The following NSD1 variants were observed in gnomAD, a reference collection of about 807,000 sequenced individuals.
NSD1 encodes the protein nuclear receptor binding SET domain protein 1.
In NSD1, 26 loss-of-function variants were observed where a neutral mutation model predicts 242.7. The observed-to-expected ratio is 0.11, with a 90% confidence interval of 0.08 to 0.15. The LOEUF is 0.15. Ranked by LOEUF, NSD1 falls within the 10% of genes least tolerant of loss-of-function variation. The pLI, the probability that NSD1 is intolerant of heterozygous loss-of-function variation, is 1.00. For missense variants in NSD1, 2,495 were observed against 3,272.8 expected, an observed-to-expected ratio of 0.76 and a Z score of 5.80; for synonymous variants, 1,106 against 1,178.1, an observed-to-expected ratio of 0.94 and a Z score of 1.25.
chr5:177,270,905 A>G (rs1757895732), intron 16 of NSD1, among the ~76,000 whole-genome samples: 1 of 152,200 alleles, frequency 6.6e-6, no homozygotes, highest in African/African-American at 2.4e-5. Context: ...CTGCTAATAC[A>G]AAAATACATA....
rs779832509 is a variant in NSD1 at position 177,158,297 on chromosome 5, CTTTCT to C, written c.927+22275_927+22279del. Among the ~76,000 whole-genome samples the C allele has an allele frequency of 5.4e-3, 563 of 103,682 alleles. 2 individuals carry two copies. Among genetic ancestry groups the C allele is most frequent in the Middle Eastern group, 0.015 (3 of 206 alleles). 68.0% of individuals were successfully genotyped at this position (103,682 alleles called of 152,430 possible). ...TCTTTCTTTCTTTCTTTCTTTCTTT[CTTTCT>C]TTTCTTTCTTTTCTTTCTTTTCTTT... On this transcript the variant is annotated intron_variant, in intron 2 of 22. Coordinates refer to ENST00000439151, the MANE Select transcript of NSD1 (RefSeq NM_022455.5).
intron 3 of NSD1, among the ~76,000 whole-genome samples, chr5:177,202,454 CTG>C (rs775748121): frequency 1.7e-4 from 26 of 152,212 alleles, no homozygotes; most frequent in Non-Finnish European, 3.5e-4. Flanking sequence ...TAATGGCTCA[CTG>C]TATTCTTGAC....
intron 3 of NSD1, among the ~76,000 whole-genome samples, chr5:177,199,843 C>T (rs1762382200): frequency 6.6e-6 from 1 of 152,046 alleles, no homozygotes; most frequent in South Asian, 2.1e-4. Flanking sequence ...GATCTGCCAA[C>T]CTCGGCCTCC....
intron 14 of NSD1, chr5:177,266,065 T>G (rs922179916): frequency 4.5e-6 from 5 of 1,110,926 alleles, no homozygotes; most frequent in Non-Finnish European, 6.9e-6. Context: ...TCTTGTAGTC[T>G]TTGTACTGCC....
chr5:177,165,120 A>G (rs965356478), intron 2 of NSD1, among the ~76,000 whole-genome samples: 1 of 152,148 alleles, frequency 6.6e-6, no homozygotes, highest in Non-Finnish European at 1.5e-5. Flanking sequence ...TAAAAAATAA[A>G]ATATAAAAAC....
intron 6 of NSD1, among the ~76,000 whole-genome samples, chr5:177,237,734 C>T (rs934078928): frequency 3.3e-5 from 5 of 151,838 alleles, no homozygotes; most frequent in African/African-American, 1.2e-4. Flanking sequence ...AGGGTTTCAC[C>T]ATGGTAGCCA....
intron 3 of NSD1, 23 bp from the exon 4 acceptor site, chr5:177,204,097 C>A: frequency 1.2e-6 from 2 of 1,610,260 alleles, no homozygotes; most frequent in South Asian, 2.2e-5. Context: ...TCTAATGATT[C>A]TGGTTCTCTT....
intron 16 of NSD1, among the ~76,000 whole-genome samples, chr5:177,272,244 G>A (rs1189976679): frequency 2.6e-5 from 4 of 151,984 alleles, no homozygotes; most frequent in African/African-American, 4.8e-5. Context: ...TAAGGAGGTA[G>A]ACTAGGACAT....
intron 2 of NSD1, among the ~76,000 whole-genome samples, chr5:177,171,147 C>T (rs976478685): frequency 1.3e-5 from 2 of 151,750 alleles, no homozygotes; most frequent in Non-Finnish European, 2.9e-5. Flanking sequence ...GTGGTGAAAC[C>T]GTCTCTAATA....
At position 177,297,868 on chromosome 5, in the gene NSD1, T is replaced by C. The variant is rs188498228; in HGVS notation, c.*2409T>C. 2.6e-5 allele frequency: 6 copies of C among 233,136 alleles called. No homozygotes were observed. Among genetic ancestry groups the C allele is most frequent in the East Asian group, 2.4e-4 (4 of 16,586 alleles). 14.4% of individuals were successfully genotyped at this position (233,136 alleles called of 1,614,324 possible). A position where few individuals can be genotyped will look rare whatever the true frequency, so the allele number is the denominator to read the frequency against. On this transcript the variant is annotated 3_prime_UTR_variant, in exon 23 of 23. Transcript: ENST00000439151. ...GGTTCTTTCCATTCTCCGCCATTCA[T>C]TGGAGGCTTCGTTCCAGACCTGCCT...
At chr5:177,175,638 A>T (rs1163462523) in intron 2 of NSD1, among the ~76,000 whole-genome samples, 1 of 152,106 alleles carries the variant, frequency 6.6e-6, no homozygotes. Context: ...TAAAAAAAAT[A>T]AAGTATTTGA....
At chr5:177,207,771 C>A (rs770652700) in intron 4 of NSD1, among the ~76,000 whole-genome samples, 1 of 151,602 alleles carries the variant, frequency 6.6e-6, no homozygotes, top group Non-Finnish European at 1.5e-5. Context: ...GAGACAGGAT[C>A]GTGCTCTGTC....
chr5:177,212,434 ATCTC>A (rs1413891004), intron 5 of NSD1, among the ~76,000 whole-genome samples: 1 of 151,042 alleles, frequency 6.6e-6, no homozygotes, highest in Non-Finnish European at 1.5e-5. Flanking sequence ...TTTCAAGTAA[ATCTC>A]TATAACATCT....
At chr5:177,242,544 TGAGACAG>T (rs1361715930) in intron 8 of NSD1, among the ~76,000 whole-genome samples, 2 of 151,948 alleles carry the variant, frequency 1.3e-5, no homozygotes. Context: ...TTTATTTATT[TGAGACAG>T]AGTTTTGCTT....
chr5:177,139,370 C>T (rs1442550132), intron 2 of NSD1, among the ~76,000 whole-genome samples: 2 of 148,862 alleles, frequency 1.3e-5, no homozygotes, highest in African/African-American at 5.0e-5. Context: ...CACTTGAACC[C>T]GGGAGGCGGA....
Position 177,295,104 on chromosome 5 carries a change from A to C in NSD1, c.7736A>C (p.Gln2579Pro). 6.2e-7 allele frequency: 1 copy of C among 1,612,074 alleles called. No individual in the cohort carries two copies. Among genetic ancestry groups the C allele is most frequent in the South Asian group, 1.1e-5 (1 of 90,992 alleles). Residue 2579 changes from glutamine (Q) to proline (P), a missense_variant, in exon 23 of 23, where the codon CAG (glutamine) becomes CCG (proline). Gln to Pro is a moderately conservative substitution (Grantham distance 76). Transcript: ENST00000439151. This position sits in a 1 kb window ranked among gnomAD's most constrained non-coding sequence, Gnocchi z 4.3. The part of the protein sequence containing the change: ...PLSQSPGLVK[Q>P]AKQMVGGQQL... Reference sequence around the variant, plus strand: ...AGCCAATCCCCGGGCCTGGTGAAGCAGGCGAAGCAGATGGTCGGAGGCCAG... The same window carrying C: ...AGCCAATCCCCGGGCCTGGTGAAGCCGGCGAAGCAGATGGTCGGAGGCCAG...
Position 177,269,859 on chromosome 5 carries a change from G to T in NSD1, c.5509+52G>T. 1.4e-6 allele frequency: 2 copies of T among 1,480,696 alleles called. No individual in the cohort carries two copies. Among genetic ancestry groups the T allele is most frequent in the East Asian group, 4.5e-5 (2 of 44,044 alleles). The allele number at this position is 1,480,696 out of a possible 1,614,324, so 91.7% of individuals were successfully genotyped here. On this transcript the variant is annotated intron_variant, in intron 16 of 22. Coordinates refer to ENST00000439151, the MANE Select transcript of NSD1 (RefSeq NM_022455.5). The surrounding 1 kb of genome is among the most constrained non-coding windows in gnomAD (Gnocchi z 5.1). ...GCAAACACAGACCTCTGTTACCTGA[G>T]TGTCTGATCTGTTTTAGAATTCACA...
chr5:177,154,362 A>G (rs1479590827), intron 2 of NSD1, among the ~76,000 whole-genome samples: 2 of 152,222 alleles, frequency 1.3e-5, no homozygotes, highest in African/African-American at 4.8e-5. Context: ...TGGCTACCAT[A>G]TCCAACCAAA....
intron 20 of NSD1, among the ~76,000 whole-genome samples, chr5:177,285,986 C>T (rs1192870909): frequency 1.3e-5 from 2 of 152,032 alleles, no homozygotes; most frequent in African/African-American, 2.4e-5. Flanking sequence ...ACCTCCACCT[C>T]GCGGGTTCAA....
Sources: allele counts gnomAD v4.1 joint callset (sites outside exome capture counted in the v4.1 genomes callset), GRCh38; gene constraint gnomAD v4.1.1; non-coding constraint Gnocchi (gnomAD v3.1); transcripts MANE v1.5; gene names NCBI Gene and HGNC (gene_info 2026-07-23, HGNC 2026-07-21).